Variants in SNX29 observed in about 807,000 individuals in gnomAD.
The protein encoded by SNX29 is sorting nexin 29, also known as sorting nexin-29.
SNX29 carries 78 observed loss-of-function variants against 102.1 expected under a neutral mutation model. The ratio of observed to expected loss-of-function variants is 0.76; its 90% CI spans 0.64 to 0.92. SNX29 has a LOEUF of 0.92. Ranked by LOEUF, SNX29 falls within the 40% of genes least tolerant of loss-of-function variation. SNX29 has a pLI of 0.00. For missense variants in SNX29, 1,280 were observed against 1,061.7 expected, an observed-to-expected ratio of 1.21 and a Z score of -2.86; for synonymous variants, 580 against 414.5, an observed-to-expected ratio of 1.40 and a Z score of -4.85.
At chr16:12,552,121 C>T (rs146249583) in intron 20 of SNX29, among the ~76,000 whole-genome samples, 24 of 152,318 alleles carry the variant, frequency 1.6e-4, no homozygotes, top group South Asian at 4.1e-4. Context: ...ATGGCTGATA[C>T]GGAAATGCCT....
rs1363547826 is a variant in SNX29 at position 12,571,022 on chromosome 16, G to C, written c.*2393G>C. ...GACCGTAGAGTCGAGTCATCTCGCA[G>C]ATCCAGACCATCTCCTCTCATTCTC... On this transcript the variant is annotated 3_prime_UTR_variant, in exon 21 of 21. Coordinates refer to ENST00000566228, the MANE Select transcript of SNX29 (RefSeq NM_032167.5). The C allele has an allele frequency of 4.3e-6, 1 of 232,702 alleles. No homozygotes were observed. Among genetic ancestry groups the C allele is most frequent in the Non-Finnish European group, 8.5e-6 (1 of 117,758 alleles). 14.4% of individuals were successfully genotyped at this position (232,702 alleles called of 1,614,324 possible).
intron 16 of SNX29, among the ~76,000 whole-genome samples, chr16:12,396,318 G>T (rs1033080392): frequency 2.0e-5 from 3 of 152,200 alleles, no homozygotes; most frequent in Non-Finnish European, 4.4e-5. Context: ...TTCTGCCTGT[G>T]CTCTGTGGGG....
chr16:12,443,105 CAG>C (rs1343561279), intron 18 of SNX29: 1 of 443,996 alleles, frequency 2.3e-6, no homozygotes, highest in Non-Finnish European at 4.5e-6. Context: ...AACAGTGTGT[CAG>C]AGGAAGATGG....
intron 18 of SNX29, among the ~76,000 whole-genome samples, chr16:12,432,466 C>T (rs1024476346): frequency 6.6e-6 from 1 of 152,176 alleles, no homozygotes; most frequent in African/African-American, 2.4e-5. Flanking sequence ...CTCAGGAAGA[C>T]ACATCTTCTG....
intron 20 of SNX29, among the ~76,000 whole-genome samples, chr16:12,531,692 G>A (rs953153497): frequency 2.6e-5 from 4 of 152,164 alleles, no homozygotes; most frequent in African/African-American, 7.2e-5. Context: ...GTGCAGAGAG[G>A]TCAAGGGGAC....
intron 20 of SNX29, among the ~76,000 whole-genome samples, chr16:12,549,126 T>C (rs2141326602): frequency 6.6e-6 from 1 of 152,234 alleles, no homozygotes; most frequent in Non-Finnish European, 1.5e-5. Flanking sequence ...AGATGGAAAA[T>C]TCTGGGGTAG....
At chr16:12,464,905 C>G (rs561085387) in intron 18 of SNX29, among the ~76,000 whole-genome samples, 1 of 152,358 alleles carries the variant, frequency 6.6e-6, no homozygotes, top group South Asian at 2.1e-4. Context: ...GATACCCTCA[C>G]CAACACTTGT....
chr16:12,034,453 C>T (rs1159300695), intron 4 of SNX29, among the ~76,000 whole-genome samples: 1 of 152,186 alleles, frequency 6.6e-6, no homozygotes, highest in Non-Finnish European at 1.5e-5. Context: ...AAGTGGTTGA[C>T]AACTGGCAGA....
Position 12,316,687 on chromosome 16 carries a change from C to T in SNX29, c.1782+38651C>T, listed in dbSNP as rs1039366220. On this transcript the variant is annotated intron_variant, in intron 15 of 20. Coordinates refer to ENST00000566228, the MANE Select transcript of SNX29 (RefSeq NM_032167.5). ...CCGTTCCACATCTTAAGGTCCCGCT[C>T]ACTGGGCTTGGTTAGGGCAGGCACA... Among the ~76,000 whole-genome samples, 5 of 152,284 alleles carry T rather than the reference C, an allele frequency of 3.3e-5. No homozygotes were observed. In the South Asian group the frequency reaches 1.0e-3, roughly 32 times the overall value.
chr16:12,256,840 T>C (rs1052960640), intron 14 of SNX29, among the ~76,000 whole-genome samples: 1 of 152,178 alleles, frequency 6.6e-6, no homozygotes, highest in East Asian at 1.9e-4. Context: ...CTCACAACCA[T>C]TGGTCTACTG....
intron 20 of SNX29, among the ~76,000 whole-genome samples, chr16:12,549,670 A>G (rs1260550553): frequency 6.6e-6 from 1 of 152,320 alleles, no homozygotes; most frequent in South Asian, 2.1e-4. Flanking sequence ...AGGCAGTCCC[A>G]AGGCCCGGCA....
At chr16:12,214,922 T>TA (rs2077281853) in intron 14 of SNX29, among the ~76,000 whole-genome samples, 1 of 152,202 alleles carries the variant, frequency 6.6e-6, no homozygotes, top group Non-Finnish European at 1.5e-5. Context: ...CAAGAAACAT[T>TA]AGCCAGGATA....
intron 10 of SNX29, among the ~76,000 whole-genome samples, chr16:12,073,521 A>G (rs964441088): frequency 2.6e-5 from 4 of 152,068 alleles, no homozygotes; most frequent in African/African-American, 9.7e-5. Flanking sequence ...GTTTGATTGC[A>G]CTGTGGTCTG....
intron 14 of SNX29, among the ~76,000 whole-genome samples, chr16:12,210,256 G>T (rs774799238): frequency 7.2e-5 from 11 of 152,080 alleles, no homozygotes; most frequent in Admixed American, 3.9e-4. Flanking sequence ...TTACTTGCTG[G>T]ATTTGGACTG....
rs1187719162 is a variant in SNX29, at chr16:12,211,175, C to T, written c.1678+11492C>T. 2.6e-5 allele frequency among the ~76,000 whole-genome samples: 4 copies of T among 152,154 alleles called. 1 individual carries two copies. In the South Asian group the frequency reaches 6.2e-4, roughly 24 times the overall value. ...ATTCAGCCAACATTGATTGAATACTCCTTGAGTACCAGGCACAGTTCTGGG... is the reference window on the plus strand; with the variant it reads ...ATTCAGCCAACATTGATTGAATACTTCTTGAGTACCAGGCACAGTTCTGGG... On this transcript the variant is annotated intron_variant, in intron 14 of 20. Coordinates refer to ENST00000566228, the MANE Select transcript of SNX29 (RefSeq NM_032167.5).
chr16:12,435,195 C>G (rs766686716), intron 18 of SNX29, among the ~76,000 whole-genome samples: 3 of 152,186 alleles, frequency 2.0e-5, no homozygotes, highest in Non-Finnish European at 2.9e-5. Flanking sequence ...TGTCTCCTCC[C>G]GTTTCCCTCT....
chr16:12,274,083 G>A (rs1350354773), intron 14 of SNX29, among the ~76,000 whole-genome samples: 4 of 152,220 alleles, frequency 2.6e-5, no homozygotes, highest in South Asian at 2.1e-4. Flanking sequence ...TATGTATTAC[G>A]ATTGCTAGAA....
chr16:12,012,909 C>T (rs573323241), intron 3 of SNX29, among the ~76,000 whole-genome samples: 1 of 151,702 alleles, frequency 6.6e-6, no homozygotes, highest in South Asian at 2.1e-4. Context: ...TGTGTACCTA[C>T]AGCGTAGTAT....
At chr16:12,265,157 C>G (rs930801349) in intron 14 of SNX29, among the ~76,000 whole-genome samples, 5 of 152,204 alleles carry the variant, frequency 3.3e-5, no homozygotes, top group African/African-American at 1.2e-4. Flanking sequence ...TTCTTTCGAG[C>G]AAATACTTTT....
Sources: allele counts gnomAD v4.1 joint callset (sites outside exome capture counted in the v4.1 genomes callset), GRCh38; gene constraint gnomAD v4.1.1; transcripts MANE v1.5; gene names NCBI Gene and HGNC (gene_info 2026-07-23, HGNC 2026-07-21).